The following BCAT1 variants were observed in gnomAD, a reference collection of about 807,000 sequenced individuals.
BCAT1 encodes branched chain amino acid transaminase 1, also known as branched-chain-amino-acid aminotransferase, cytosolic.
In BCAT1, 48 loss-of-function variants were observed where a neutral mutation model predicts 52.4. The observed-to-expected ratio is 0.92, with a 90% CI of 0.73 to 1.16. BCAT1 has a LOEUF of 1.16. BCAT1 is among the 50% of genes most tolerant of loss of function. The pLI, the probability that BCAT1 is intolerant of heterozygous loss-of-function variation, is 0.00. For missense variants in BCAT1, 451 were observed against 457.1 expected (o/e 0.99, Z 0.12); for synonymous variants, 167 against 161.3 (o/e 1.04, Z -0.27).
chr12:24,863,283 G>A (rs988208052), intron 5 of BCAT1, among the ~76,000 whole-genome samples: 2 of 152,180 alleles, frequency 1.3e-5, no homozygotes, highest in Non-Finnish European at 2.9e-5. Flanking sequence ...ATAATATGTA[G>A]AGAGCGCCAG....
chr12:24,911,835 T>A (rs1029620220), intron 1 of BCAT1, among the ~76,000 whole-genome samples: 1 of 152,134 alleles, frequency 6.6e-6, no homozygotes, highest in Non-Finnish European at 1.5e-5. Flanking sequence ...GACAAACACA[T>A]GAAGATTCTG....
At chr12:24,925,576 C>T (rs1233014250) in intron 1 of BCAT1, among the ~76,000 whole-genome samples, 1 of 150,274 alleles carries the variant, frequency 6.7e-6, no homozygotes. Flanking sequence ...AGCTCCCCCT[C>T]CCCCTCTCCC....
chr12:24,843,156 GA>G (rs531106092), intron 6 of BCAT1, among the ~76,000 whole-genome samples: 4 of 151,758 alleles, frequency 2.6e-5, no homozygotes, highest in Non-Finnish European at 5.9e-5. Context: ...AACAAACAAT[GA>G]AAAACAACTA....
At chr12:24,925,714 C>A (rs548489639) in intron 1 of BCAT1, among the ~76,000 whole-genome samples, 1 of 152,104 alleles carries the variant, frequency 6.6e-6, no homozygotes, top group South Asian at 2.1e-4. Flanking sequence ...CTCAGCCTGC[C>A]GAGTGCCTGT....
intron 5 of BCAT1, among the ~76,000 whole-genome samples, chr12:24,876,285 AAAG>A (rs1942337932): frequency 6.6e-6 from 1 of 151,386 alleles, no homozygotes; most frequent in African/African-American, 2.4e-5. Flanking sequence ...AAAAGAAAGA[AAAG>A]AAAAATGAAA....
chr12:24,895,900 G>T (rs1942949743), intron 2 of BCAT1, among the ~76,000 whole-genome samples: 2 of 152,074 alleles, frequency 1.3e-5, no homozygotes. Flanking sequence ...TGACACAAAA[G>T]GCATTAAGGA....
chr12:24,858,359 A>G (rs776207979), intron 5 of BCAT1, among the ~76,000 whole-genome samples: 3 of 152,242 alleles, frequency 2.0e-5, no homozygotes, highest in Non-Finnish European at 4.4e-5. Context: ...TGGGACTTTA[A>G]TAATCTTTGG....
At chr12:24,858,963 G>T (rs1310789111) in intron 5 of BCAT1, among the ~76,000 whole-genome samples, 2 of 152,054 alleles carry the variant, frequency 1.3e-5, no homozygotes, top group Non-Finnish European at 2.9e-5. Flanking sequence ...AAGTTAAAGG[G>T]TATTATTCAG....
At chr12:24,868,190 G>A (rs1018205859) in intron 5 of BCAT1, among the ~76,000 whole-genome samples, 1 of 152,186 alleles carries the variant, frequency 6.6e-6, no homozygotes, top group Admixed American at 6.5e-5. Context: ...AATCACTCAG[G>A]ATGATCAGGG....
intron 2 of BCAT1, among the ~76,000 whole-genome samples, 188 bp downstream of exon 2, chr12:24,901,626 G>A (rs1943105839): frequency 6.6e-6 from 1 of 152,158 alleles, no homozygotes; most frequent in Admixed American, 6.5e-5. Flanking sequence ...GATAATTTTT[G>A]TTGTGATGAA....
At position 24,828,110 on chromosome 12, in the gene BCAT1, A is replaced by C. The variant is rs1237720930; in HGVS notation, c.1119+1713T>G. 2.6e-5 allele frequency among the ~76,000 whole-genome samples: 4 copies of C among 152,156 alleles called. No individual in the cohort carries two copies. The East Asian group carries it at 7.7e-4, about 29-fold the overall frequency. ...CCATTGCTCTCTGGAGGCCTGTTGCATTCTCAGCCACCTTTAAGTTTCACT... is the reference window on the plus strand; with the variant it reads ...CCATTGCTCTCTGGAGGCCTGTTGCCTTCTCAGCCACCTTTAAGTTTCACT... On this transcript the variant is annotated intron_variant, in intron 10 of 10. Transcript: ENST00000261192.
At chr12:24,879,545 TATTTA>T (rs1335684465) in intron 4 of BCAT1, among the ~76,000 whole-genome samples, 1 of 152,222 alleles carries the variant, frequency 6.6e-6, no homozygotes. Context: ...AGAATTTGTC[TATTTA>T]AATATTGACC....
At chr12:24,841,968 C>T in intron 7 of BCAT1, 114 bp downstream of exon 7, 1 of 1,239,142 alleles carries the variant, frequency 8.1e-7, no homozygotes, top group Non-Finnish European at 1.1e-6. Context: ...GTAGTCCTTA[C>T]TTAGCCTTTG....
chr12:24,878,482 T>C, intron 5 of BCAT1, 48 bp downstream of exon 5: 1 of 1,551,942 alleles, frequency 6.4e-7, no homozygotes, highest in South Asian at 1.2e-5. Flanking sequence ...CAATAAACAA[T>C]AATAACTTGC....
At chr12:24,822,860 G>A (rs1458869822) in intron 10 of BCAT1, among the ~76,000 whole-genome samples, 2 of 151,924 alleles carry the variant, frequency 1.3e-5, no homozygotes, top group African/African-American at 4.8e-5. Flanking sequence ...ACTACCAACG[G>A]TGAAAAAAGA....
At chr12:24,838,956 T>C (rs1056226384) in intron 7 of BCAT1, among the ~76,000 whole-genome samples, 1 of 152,218 alleles carries the variant, frequency 6.6e-6, no homozygotes, top group East Asian at 1.9e-4. Context: ...AATGTAGGTC[T>C]GCATAAGTGC....
In BCAT1 at chr12:24,878,505, C is replaced by T. The variant is rs368282973; in HGVS notation, c.510+25G>A. On this transcript the variant is annotated intron_variant, in intron 5 of 10. Coordinates refer to ENST00000261192, the MANE Select transcript of BCAT1 (RefSeq NM_005504.7). ...AATAATAACTTGCCCAGCAAAGTAC[C>T]CCAAAATAAAGAGTCAGTTTGCACC... 4.4e-6 allele frequency: 7 copies of T among 1,591,850 alleles called. No individual in the cohort carries two copies. In the African/African-American group the frequency reaches 9.4e-5, roughly 21 times the overall value.
chr12:24,824,651 G>C (rs559172419), intron 10 of BCAT1, among the ~76,000 whole-genome samples: 1 of 151,932 alleles, frequency 6.6e-6, no homozygotes, highest in African/African-American at 2.4e-5. Flanking sequence ...AATCTTATTT[G>C]GTGTATTAAC....
At chr12:24,824,563 G>A (rs1247336587) in intron 10 of BCAT1, among the ~76,000 whole-genome samples, 1 of 152,114 alleles carries the variant, frequency 6.6e-6, no homozygotes, top group Non-Finnish European at 1.5e-5. Context: ...GCCTCCCAAA[G>A]TTTTAGGATT....
Sources: gnomAD v4.1 joint callset for allele counts (sites outside exome capture counted in the v4.1 genomes callset) on GRCh38, gnomAD v4.1.1 for gene constraint, MANE v1.5 for transcripts, NCBI Gene and HGNC (gene_info 2026-07-23, HGNC 2026-07-21) for gene names.